The following TMEM63A variants were observed in gnomAD, a reference collection of about 807,000 sequenced individuals.
TMEM63A encodes the protein mechanosensitive cation channel TMEM63A.
In TMEM63A, 76 loss-of-function variants were observed where a neutral mutation model predicts 100.6. The observed-to-expected ratio is 0.76, with a 90% confidence interval of 0.63 to 0.91. The LOEUF (loss-of-function observed/expected upper bound fraction) is 0.91. Ranked by LOEUF, TMEM63A falls within the 40% of genes least tolerant of loss-of-function variation. The pLI is 0.00. For synonymous variants in TMEM63A, 401 were observed against 401.1 expected, an observed-to-expected ratio of 1.00 and a Z score of 0.00; for missense variants, 876 against 1,008.8, an observed-to-expected ratio of 0.87 and a Z score of 1.78.
At chr1:225,855,538 C>T (rs755248295) in intron 18 of TMEM63A, among the ~76,000 whole-genome samples, 23 of 152,146 alleles carry the variant, frequency 1.5e-4, no homozygotes, top group Non-Finnish European at 1.8e-4. Flanking sequence ...TATTATTCTC[C>T]TTTCCCCACT....
chr1:225,881,641 G>A (rs988265932), intron 1 of TMEM63A, among the ~76,000 whole-genome samples: 1 of 152,186 alleles, frequency 6.6e-6, no homozygotes, highest in Non-Finnish European at 1.5e-5. Context: ...CAGTGGGTCC[G>A]CCACGCTGTC....
At chr1:225,875,167 A>T (rs976141352) in intron 3 of TMEM63A, among the ~76,000 whole-genome samples, 6 of 152,178 alleles carry the variant, frequency 3.9e-5, no homozygotes, top group African/African-American at 1.4e-4. Flanking sequence ...CCCAGCAGAG[A>T]GCATGCATGC....
rs1393819483 is a variant in TMEM63A, at chr1:225,849,027, T to G, written c.2072-15A>C. 8 of 565,414 alleles carry G rather than the reference T, an allele frequency of 1.4e-5. No homozygotes were observed. The highest frequency in any genetic ancestry group is 6.5e-5 in the East Asian group (1 of 15,326). The allele number at this position is 565,414 out of a possible 1,614,324, so 35.0% of individuals were successfully genotyped here. A position where few individuals can be genotyped will look rare whatever the true frequency, so the allele number is the denominator to read the frequency against. On this transcript the variant is annotated splice_polypyrimidine_tract_variant and intron_variant, in intron 21 of 24. Transcript: ENST00000366835. ...GGCCTTCATACCTGGTGATAGAGGGTGGCTAGCCTTGGGGTGGGCAGGGAG... is the reference window on the plus strand; with the variant it reads ...GGCCTTCATACCTGGTGATAGAGGGGGGCTAGCCTTGGGGTGGGCAGGGAG...
intron 6 of TMEM63A, among the ~76,000 whole-genome samples, chr1:225,869,666 C>CTTTTTT (rs10638876): frequency 9.1e-6 from 1 of 109,914 alleles, no homozygotes; most frequent in Non-Finnish European, 1.7e-5. Flanking sequence ...CTTTTCTTTT[C>CTTTTTT]TTTTTTTTTT....
chr1:225,857,376 C>CGGGGTGGGGG (rs1213111924), intron 15 of TMEM63A, among the ~76,000 whole-genome samples: 2 of 3,264 alleles, frequency 6.1e-4, no homozygotes, highest in African/African-American at 1.2e-3. Context: ...GAGTCCTGGC[C>CGGGGTGGGGG]GGCGGGGCGG....
chr1:225,859,195 C>T lies in TMEM63A; in HGVS notation c.1377+1G>A. On this transcript the variant is annotated splice_donor_variant, in intron 15 of 24. Transcript: ENST00000366835. LOFTEE classifies it high-confidence loss of function. Reference sequence around the variant, plus strand: ...AGGGGCCTTGCAGAACAGTTACTCACATTCAGCGCATGGATGGGTTTGGTG... The same window carrying T: ...AGGGGCCTTGCAGAACAGTTACTCATATTCAGCGCATGGATGGGTTTGGTG... 8 of 1,614,102 alleles carry T rather than the reference C, an allele frequency of 5.0e-6. No homozygotes were observed. Among genetic ancestry groups the T allele is most frequent in the Non-Finnish European group, 6.8e-6 (8 of 1,180,010 alleles).
In TMEM63A at chr1:225,848,924, G is replaced by C. The variant is rs1322425644; in HGVS notation, c.2160C>G (p.Phe720Leu). 1 of 1,600,028 alleles carries C rather than the reference G, an allele frequency of 6.2e-7. No individual in the cohort carries two copies. Among genetic ancestry groups the C allele is most frequent in the African/African-American group, 1.3e-5 (1 of 74,962 alleles). ...VCLAHTCFGC[F>L]KHLSPLNYKT... is the part of the protein sequence containing the mutation. ...TGTAGTTCAGAGGGCTGAGGTGCTT[G>C]AAGCATCCAAAGCAGGTGTGAGCCA... Residue 720 changes from phenylalanine (F) to leucine (L), a missense_variant, in exon 22 of 25, where the codon TTC becomes TTG. This residue lies in a region of TMEM63A where 339 missense variants were observed against 342.3 expected (regional missense o/e 0.99). Coordinates refer to ENST00000366835, the MANE Select transcript of TMEM63A (RefSeq NM_014698.3).
intron 20 of TMEM63A, among the ~76,000 whole-genome samples, 161 bp from the exon 21 acceptor site, chr1:225,850,240 T>A (rs1389667557): frequency 6.6e-6 from 1 of 151,962 alleles, no homozygotes; most frequent in African/African-American, 2.4e-5. Flanking sequence ...TGGCTACTAG[T>A]TTTTTTTCAC....
At chr1:225,857,379 C>CGGGGGGGG (rs369068747) in intron 15 of TMEM63A, among the ~76,000 whole-genome samples, 4 of 112,712 alleles carry the variant, frequency 3.5e-5, no homozygotes, top group African/African-American at 1.3e-4. Flanking sequence ...TCCTGGCCGG[C>CGGGGGGGG]GGGGCGGGGG....
intron 20 of TMEM63A, among the ~76,000 whole-genome samples, chr1:225,850,710 GTA>G (rs1669284010): frequency 6.6e-6 from 1 of 152,140 alleles, no homozygotes; most frequent in Admixed American, 6.5e-5. Context: ...ATCTGTCAGT[GTA>G]TGTCTGTCTG....
In TMEM63A at chr1:225,850,066, G is replaced by A; in HGVS notation, c.1917C>T (p.Ile639=). 1 of 1,614,200 alleles carries A rather than the reference G, an allele frequency of 6.2e-7. No homozygotes were observed. The highest frequency in any genetic ancestry group is 8.5e-7 in the Non-Finnish European group (1 of 1,180,036). ...GCCGGTCCACCATGTGCTTGAGCAG[G>A]ATGTAGATGAGGCCTGCAGGGGATG... ...PIIAPFGLIY[I]LLKHMVDRHN... Residue 639 remains isoleucine (I), a synonymous_variant, in exon 21 of 25, where the codon ATC becomes ATT. Coordinates refer to ENST00000366835, the MANE Select transcript of TMEM63A (RefSeq NM_014698.3).
rs780137081 is a variant in TMEM63A, at chr1:225,862,329, G to A, written c.974C>T (p.Thr325Ile). Residue 325 changes from threonine to isoleucine, a missense_variant, in exon 13 of 25, where the codon ACA becomes ATA. Thr to Ile is a moderately conservative substitution (Grantham distance 89, BLOSUM62 -1). Around this residue, in one of 5 missense-constraint regions of TMEM63A, gnomAD observed 487 missense variants for 581.9 expected, o/e 0.84. Transcript: ENST00000366835. This position sits in a 1 kb window ranked among gnomAD's most constrained non-coding sequence, Gnocchi z 5.1. Reference sequence around the variant, plus strand: ...CTCCAGCAGCCTGTCCTTCATCCGTGTGTAGTAAGAGATGGCGTCTTCCTG... The same window carrying A: ...CTCCAGCAGCCTGTCCTTCATCCGTATGTAGTAAGAGATGGCGTCTTCCTG... ...CEWEDAISYY[T>I]RMKDRLLERI... is the part of the protein sequence containing the mutation. 1.2e-6 allele frequency: 2 copies of A among 1,614,192 alleles called. No individual in the cohort carries two copies. The highest frequency in any genetic ancestry group is 2.2e-5 in the East Asian group (1 of 44,870).
At chr1:225,842,809 G>A (rs1467007628), downstream of TMEM63A, among the ~76,000 whole-genome samples, 1 of 152,212 alleles carries the variant, frequency 6.6e-6, no homozygotes, top group Non-Finnish European at 1.5e-5. Context: ...TTTTCCTCCT[G>A]ATTCCCTGGA....
intron 6 of TMEM63A, among the ~76,000 whole-genome samples, chr1:225,869,952 C>T (rs1221283445): frequency 2.6e-5 from 4 of 152,050 alleles, no homozygotes; most frequent in African/African-American, 9.7e-5. Context: ...TCAGCCACCG[C>T]AGCCGGCCAT....
At chr1:225,847,359 G>T in intron 23 of TMEM63A, 146 bp from the exon 24 acceptor site, 1 of 1,014,434 alleles carries the variant, frequency 9.9e-7, no homozygotes, top group Non-Finnish European at 1.4e-6. Context: ...AGGACATTAA[G>T]ACCGAAAATA....
chr1:225,881,104 C>G (rs904171358), intron 1 of TMEM63A, among the ~76,000 whole-genome samples: 2 of 142,754 alleles, frequency 1.4e-5, no homozygotes, highest in African/African-American at 5.3e-5. Flanking sequence ...CAACACCAAA[C>G]AGGACCCAGT....
In TMEM63A at chr1:225,848,559, A is replaced by C; in HGVS notation, c.2188-5T>G. ...GTCACTTGCAGGCTCTTCTGTCTGCAGATAACAGCAAAAACTTGCGATGAT... is the reference window on the plus strand; with the variant it reads ...GTCACTTGCAGGCTCTTCTGTCTGCCGATAACAGCAAAAACTTGCGATGAT... On this transcript the variant is annotated splice_polypyrimidine_tract_variant and splice_region_variant and intron_variant, in intron 22 of 24. Coordinates refer to ENST00000366835, the MANE Select transcript of TMEM63A (RefSeq NM_014698.3). The C allele has an allele frequency of 6.2e-7, 1 of 1,614,072 alleles. No homozygotes were observed. The highest frequency in any genetic ancestry group is 8.5e-7 in the Non-Finnish European group (1 of 1,180,028).
chr1:225,882,152 C>A (rs1003268252), intron 1 of TMEM63A, among the ~76,000 whole-genome samples, 152 bp downstream of exon 1: 4 of 152,232 alleles, frequency 2.6e-5, no homozygotes, highest in African/African-American at 9.6e-5. Flanking sequence ...CCTCTCCTCC[C>A]ACCCAATCCC....
chr1:225,859,394 T>C (rs777510153), intron 14 of TMEM63A, 45 bp from the exon 15 acceptor site: 6 of 1,608,472 alleles, frequency 3.7e-6, no homozygotes, highest in Admixed American at 1.7e-5. Context: ...TGTCTCCCAG[T>C]GCTCGTGGCT....
Sources: gnomAD v4.1 joint callset for allele counts (sites outside exome capture counted in the v4.1 genomes callset) on GRCh38, gnomAD v4.1.1 for gene constraint, gnomAD v4.1.1 regional missense constraint, Gnocchi (gnomAD v3.1) non-coding constraint, MANE v1.5 for transcripts, NCBI Gene and HGNC (gene_info 2026-07-23, HGNC 2026-07-21) for gene names.